MPPED1: variants seen among roughly 807,000 people sequenced by gnomAD.
MPPED1 encodes the protein metallophosphoesterase domain-containing protein 1.
In MPPED1, 16 loss-of-function variants were observed where a neutral mutation model predicts 36.2. The observed-to-expected ratio is 0.44, with a 90% CI of 0.30 to 0.67. The LOEUF (loss-of-function observed/expected upper bound fraction) is 0.67. MPPED1 is among the 30% of genes least tolerant of loss of function. MPPED1 has a pLI of 0.10. For missense variants in MPPED1, 307 were observed against 453.4 expected, an observed-to-expected ratio of 0.68 and a Z score of 2.93; for synonymous variants, 199 against 191.3, an observed-to-expected ratio of 1.04 and a Z score of -0.33.
intron 3 of MPPED1, among the ~76,000 whole-genome samples, chr22:43,467,612 C>T (rs2146876453): frequency 6.6e-6 from 1 of 152,324 alleles, no homozygotes; most frequent in East Asian, 1.9e-4. Flanking sequence ...ACCGAGAAGT[C>T]TGCTAATGTG....
chr22:43,437,570 ACGATGCTGATTGGAAGTAAGGGTGTAGG>A (rs1311822879), intron 3 of MPPED1, among the ~76,000 whole-genome samples: 1 of 152,044 alleles, frequency 6.6e-6, no homozygotes, highest in African/African-American at 2.4e-5. Flanking sequence ...AAGGGTGTGG[ACGATGCTGATTGGAAGTAAGGGTGTAGG>A]CGATGCATTT....
chr22:43,415,290 CT>C (rs1929042494), intron 1 of MPPED1, among the ~76,000 whole-genome samples: 1 of 150,904 alleles, frequency 6.6e-6, no homozygotes, highest in South Asian at 2.1e-4. Context: ...TAAGAGACCC[CT>C]TTTTGGGGGT....
intron 2 of MPPED1, among the ~76,000 whole-genome samples, chr22:43,427,732 C>T (rs1288762741): frequency 6.6e-6 from 1 of 152,066 alleles, no homozygotes; most frequent in Admixed American, 6.5e-5. Flanking sequence ...CTGCTTGGTG[C>T]CTCAGTTTCG....
chr22:43,500,402 AGTGGTGGTG>A (rs1932689503), intron 5 of MPPED1, among the ~76,000 whole-genome samples: 1 of 27,938 alleles, frequency 3.6e-5, no homozygotes, highest in Admixed American at 3.4e-4. Context: ...TGGAGGTGGT[AGTGGTGGTG>A]ATGGAGGTGG....
At chr22:43,431,104 C>G (rs985367256) in intron 2 of MPPED1, among the ~76,000 whole-genome samples, 2 of 128,044 alleles carry the variant, frequency 1.6e-5, no homozygotes, top group Non-Finnish European at 3.2e-5. Flanking sequence ...TGCAGTGGTG[C>G]GATCTCAGCT....
intron 4 of MPPED1, among the ~76,000 whole-genome samples, chr22:43,484,745 A>G (rs906841504): frequency 6.6e-6 from 1 of 152,128 alleles, no homozygotes; most frequent in African/African-American, 2.4e-5. Context: ...AGAGCCTGTC[A>G]TCTAGGGCAG....
chr22:43,448,669 C>A (rs1387368722), intron 3 of MPPED1, among the ~76,000 whole-genome samples: 1 of 152,066 alleles, frequency 6.6e-6, no homozygotes, highest in Non-Finnish European at 1.5e-5. Context: ...GTGGCATGAT[C>A]TTAGCTCACT....
At chr22:43,470,531 A>T (rs1158171254) in intron 3 of MPPED1, among the ~76,000 whole-genome samples, 1 of 152,190 alleles carries the variant, frequency 6.6e-6, no homozygotes, top group Non-Finnish European at 1.5e-5. Context: ...CCATGCATGC[A>T]TCCATCTATC....
intron 3 of MPPED1, among the ~76,000 whole-genome samples, chr22:43,442,185 C>A (rs1479924839): frequency 6.6e-6 from 1 of 151,958 alleles, no homozygotes; most frequent in Non-Finnish European, 1.5e-5. Context: ...CGGAAACCAA[C>A]CTTGGATGCG....
At chr22:43,493,997 G>C (rs921902182) in intron 4 of MPPED1, among the ~76,000 whole-genome samples, 13 of 152,066 alleles carry the variant, frequency 8.5e-5, no homozygotes, top group Non-Finnish European at 1.6e-4. Flanking sequence ...GTTCCTTTTG[G>C]GGGGCTCTGA....
rs73887325 is a variant in MPPED1, at chr22:43,501,555, G to A, written c.749-1089G>A. Among the ~76,000 whole-genome samples, 841 of 152,276 alleles carry A rather than the reference G, an allele frequency of 5.5e-3. 12 individuals are homozygous for A. Among genetic ancestry groups the A allele is most frequent in the African/African-American group, 0.019 (800 of 41,558 alleles). ...TGGTGCTGCCCTTGCATCATCTCCG[G>A]ACTGTGTGCGCCAGGGTGCCGAGGT... On this transcript the variant is annotated intron_variant, in intron 5 of 6. Transcript: ENST00000443721.
chr22:43,447,859 T>TTA (rs1238294657), intron 3 of MPPED1, among the ~76,000 whole-genome samples: 1,523 of 62,498 alleles, frequency 0.024, 76 homozygotes, highest in Non-Finnish European at 0.033. Context: ...TATGTAAATA[T>TTA]TATATATATA....
At chr22:43,466,054 C>T (rs1931159236) in intron 3 of MPPED1, among the ~76,000 whole-genome samples, 1 of 152,202 alleles carries the variant, frequency 6.6e-6, no homozygotes, top group Non-Finnish European at 1.5e-5. Flanking sequence ...ATGTGCTCTG[C>T]AGTAGCAGTG....
At chr22:43,499,030 G>A (rs139013912) in intron 5 of MPPED1, among the ~76,000 whole-genome samples, 2 of 151,984 alleles carry the variant, frequency 1.3e-5, no homozygotes, top group Non-Finnish European at 2.9e-5. Context: ...TCTCTCCCAT[G>A]GTCATGGTGG....
intron 6 of MPPED1, among the ~76,000 whole-genome samples, chr22:43,504,530 G>A (rs1299291397): frequency 1.3e-5 from 2 of 150,708 alleles, no homozygotes; most frequent in Non-Finnish European, 3.0e-5. Flanking sequence ...TATAAGGGTG[G>A]CAATGATGAT....
chr22:43,505,077 T>G (rs756391627), intron 6 of MPPED1, among the ~76,000 whole-genome samples: 7 of 151,056 alleles, frequency 4.6e-5, no homozygotes, highest in Non-Finnish European at 8.8e-5. Flanking sequence ...GTGATGATGA[T>G]GACATTAGTG....
intron 4 of MPPED1, among the ~76,000 whole-genome samples, chr22:43,478,017 CTA>C (rs1931631651): frequency 6.6e-6 from 1 of 152,164 alleles, no homozygotes; most frequent in African/African-American, 2.4e-5. Flanking sequence ...AAGAGGATAA[CTA>C]TTTAGTTTTA....
chr22:43,489,457 A>T (rs1202747690), intron 4 of MPPED1, among the ~76,000 whole-genome samples: 10 of 151,780 alleles, frequency 6.6e-5, no homozygotes, highest in Non-Finnish European at 1.5e-4. Flanking sequence ...CCCAGCGAGC[A>T]GTCTGTCCTG....
intron 2 of MPPED1, among the ~76,000 whole-genome samples, chr22:43,432,338 A>AAGAG (rs201306191): frequency 8.8e-6 from 1 of 113,948 alleles, no homozygotes; most frequent in African/African-American, 3.4e-5. Flanking sequence ...GAAAGAGGGA[A>AAGAG]AGAGAGAAGG....
Sources: allele counts gnomAD v4.1 joint callset (sites outside exome capture counted in the v4.1 genomes callset), GRCh38; gene constraint gnomAD v4.1.1; transcripts MANE v1.5; gene names NCBI Gene and HGNC (gene_info 2026-07-23, HGNC 2026-07-21).